Variants in CEP350 observed in about 807,000 individuals in gnomAD.
CEP350 encodes the protein centrosome-associated protein 350.
In CEP350, 126 loss-of-function variants were observed where a neutral mutation model predicts 331.8. That is an observed-to-expected ratio of 0.38 (90% CI 0.33 to 0.44). CEP350 has a LOEUF of 0.44. Ranked by LOEUF, CEP350 falls within the 20% of genes least tolerant of loss-of-function variation. The probability of loss-of-function intolerance (pLI) is 1.00; values close to 1 mark genes in which losing one functional copy is unlikely to be tolerated. For synonymous variants in CEP350, 1,200 were observed against 1,259.5 expected (o/e 0.95, Z 1.00); for missense variants, 3,406 against 3,634.6 (o/e 0.94, Z 1.62).
chr1:180,054,000 GA>G (rs1299714712), intron 24 of CEP350, 66 bp downstream of exon 24: 2 of 1,280,594 alleles, frequency 1.6e-6, no homozygotes, highest in East Asian at 4.8e-5. Context: ...TATATTTTAA[GA>G]TTTTTTTGTT....
chr1:180,020,131 A>G lies in CEP350; in HGVS notation c.2357A>G (p.Asn786Ser), dbSNP rs1194243952. The G allele has an allele frequency of 6.2e-7, 1 of 1,613,930 alleles. No homozygotes were observed. The highest frequency in any genetic ancestry group is 8.5e-7 in the Non-Finnish European group (1 of 1,179,902). The change falls in exon 12 of 38, where the codon AAT becomes AGT. Residue 786 changes from asparagine (N) to serine (S), a missense_variant. This residue lies in a region of CEP350 where 1,857 missense variants were observed against 1,909.2 expected (regional missense o/e 0.97). Coordinates refer to ENST00000367607, the MANE Select transcript of CEP350 (RefSeq NM_014810.5). ...ESILPTRKNH[N>S]MASRPLTFTP... ...ATTTTACCAACCAGGAAGAATCATA[A>G]TATGGCTTCAAGGCCATTAACTTTT...
chr1:179,996,382 A>G (rs1476841699), intron 5 of CEP350, among the ~76,000 whole-genome samples, 171 bp from the exon 6 acceptor site: 1 of 152,216 alleles, frequency 6.6e-6, no homozygotes, highest in Non-Finnish European at 1.5e-5. Context: ...TGTACAGCAT[A>G]ATGTTTTGAT....
chr1:180,031,529 T>C, intron 15 of CEP350, 35 bp downstream of exon 15: 2 of 1,017,696 alleles, frequency 2.0e-6, no homozygotes, highest in Non-Finnish European at 2.6e-6. Context: ...TTATATATAA[T>C]TAAAGATATA....
At chr1:179,963,445 T>G (rs1650776611) in intron 1 of CEP350, among the ~76,000 whole-genome samples, 1 of 152,126 alleles carries the variant, frequency 6.6e-6, no homozygotes, top group Non-Finnish European at 1.5e-5. Context: ...TAGTTTGAGG[T>G]TTTATGTTTA....
intron 1 of CEP350, chr1:179,969,099 G>A (rs1274298219): frequency 5.3e-5 from 36 of 683,124 alleles, no homozygotes; most frequent in Non-Finnish European, 7.1e-5. Flanking sequence ...CCTTTGCGCT[G>A]TGTGGACATT....
At chr1:180,046,862 A>T (rs1207394953) in intron 21 of CEP350, among the ~76,000 whole-genome samples, 9 of 152,210 alleles carry the variant, frequency 5.9e-5, no homozygotes, top group African/African-American at 1.7e-4. Flanking sequence ...TTAGCATATA[A>T]CTACTAATTG....
intron 6 of CEP350, among the ~76,000 whole-genome samples, chr1:180,001,535 A>G (rs1653870000): frequency 6.6e-6 from 1 of 152,228 alleles, no homozygotes; most frequent in South Asian, 2.1e-4. Context: ...CTGGGATTCC[A>G]GGTATAAGCC....
At chr1:179,969,747 A>G (rs916951499) in intron 1 of CEP350, among the ~76,000 whole-genome samples, 1 of 152,108 alleles carries the variant, frequency 6.6e-6, no homozygotes, top group Admixed American at 6.5e-5. Context: ...GAGCCCAGGA[A>G]TTCAGCAAGA....
At position 180,098,873 on chromosome 1, in the gene CEP350, C is replaced by G; in HGVS notation, c.9077C>G (p.Ala3026Gly). ...NNLDEIKSFI[A>G]SEVLKLFSLK... ...GTCTTGTTTCCACAGAGCTTCATAG[C>G]AAGTGAAGTACTCAAGTTGTTCAGT... The change falls in exon 37 of 38, where the codon GCA becomes GGA. Residue 3026 changes from alanine to glycine, a missense_variant. By Grantham distance (60) the Ala-to-Gly change is moderately conservative (BLOSUM62 0). Transcript: ENST00000367607. 1 of 1,612,414 alleles carries G rather than the reference C, an allele frequency of 6.2e-7. No individual in the cohort carries two copies.
chr1:179,989,491 A>AG (rs1652895520), intron 3 of CEP350, among the ~76,000 whole-genome samples: 1 of 151,626 alleles, frequency 6.6e-6, no homozygotes. Context: ...TCAAAAAAAA[A>AG]AAAAAAAATC....
chr1:180,030,179 A>G (rs1199826985), intron 14 of CEP350, among the ~76,000 whole-genome samples: 1 of 148,684 alleles, frequency 6.7e-6, no homozygotes, highest in Non-Finnish European at 1.5e-5. Flanking sequence ...CTCTTTAACC[A>G]TATATATCTT....
intron 7 of CEP350, among the ~76,000 whole-genome samples, chr1:180,005,941 A>T (rs1173678695): frequency 6.6e-6 from 1 of 152,214 alleles, no homozygotes; most frequent in Non-Finnish European, 1.5e-5. Context: ...AACATGTGTA[A>T]TCAGTTTATT....
At chr1:179,976,355 G>GA (rs1651871026) in intron 1 of CEP350, among the ~76,000 whole-genome samples, 1 of 128,116 alleles carries the variant, frequency 7.8e-6, no homozygotes, top group African/African-American at 3.7e-5. Context: ...GGGCTTAAAA[G>GA]AAAACATTTT....
At chr1:180,097,342 T>G (rs896082379) in intron 36 of CEP350, among the ~76,000 whole-genome samples, 2 of 152,240 alleles carry the variant, frequency 1.3e-5, no homozygotes, top group Non-Finnish European at 2.9e-5. Context: ...CAGAAAAAAT[T>G]GGCCATCCCC....
At chr1:180,047,534 A>G (rs1396403109) in intron 21 of CEP350, among the ~76,000 whole-genome samples, 1 of 152,050 alleles carries the variant, frequency 6.6e-6, no homozygotes, top group East Asian at 1.9e-4. Context: ...AGGCAGGTGG[A>G]TCATCTGAGG....
intron 3 of CEP350, among the ~76,000 whole-genome samples, chr1:179,987,868 G>C (rs1273195300): frequency 6.6e-6 from 1 of 152,070 alleles, no homozygotes; most frequent in African/African-American, 2.4e-5. Context: ...TTGAGGCTTC[G>C]AGGTTGCAGT....
chr1:180,041,311 T>C (rs1019779129), intron 18 of CEP350, 63 bp downstream of exon 18: 3 of 1,206,464 alleles, frequency 2.5e-6, no homozygotes, highest in Non-Finnish European at 3.5e-6. Flanking sequence ...GAAATTACTT[T>C]AGCGTTCTTT....
At chr1:180,080,836 G>T (rs950865573) in intron 30 of CEP350, among the ~76,000 whole-genome samples, 175 bp downstream of exon 30, 2 of 151,834 alleles carry the variant, frequency 1.3e-5, no homozygotes. Context: ...TGAATATATC[G>T]AGTTAGGCAT....
chr1:180,075,149 G>C lies in CEP350; in HGVS notation c.5695G>C (p.Ala1899Pro), dbSNP rs1479229780. Residue 1899 changes from alanine (A) to proline (P), a missense_variant, in exon 28 of 38, where the codon GCC becomes CCC. Ala to Pro is a conservative substitution (Grantham distance 27). Around this residue, in one of 5 missense-constraint regions of CEP350, gnomAD observed 1,415 missense variants for 1,512.3 expected, o/e 0.94. Transcript: ENST00000367607. ...IRQMEKQALA[A>P]WDKELIKPKT... ...TCAAATGGAAAAACAAGCTTTGGCT[G>C]CCTGGGACAAAGAATTAATAAAACC... is the stretch of plus-strand genomic sequence containing the variant. 2 of 1,613,704 alleles carry C rather than the reference G, an allele frequency of 1.2e-6. No individual in the cohort carries two copies. The highest frequency in any genetic ancestry group is 3.3e-5 in the Admixed American group (2 of 59,978).
Sources: allele counts gnomAD v4.1 joint callset (sites outside exome capture counted in the v4.1 genomes callset), GRCh38; gene constraint gnomAD v4.1.1; regional missense constraint gnomAD v4.1.1; transcripts MANE v1.5; gene names NCBI Gene and HGNC (gene_info 2026-07-23, HGNC 2026-07-21).